Variants in SPSB1 observed in about 807,000 individuals in gnomAD.
The protein encoded by SPSB1 is SPRY domain-containing SOCS box protein 1.
SPSB1 carries 8 observed loss-of-function variants against 21.2 expected under a neutral mutation model. The observed-to-expected ratio is 0.38, with a 90% CI of 0.22 to 0.68. The LOEUF (loss-of-function observed/expected upper bound fraction) is 0.68. Ranked by LOEUF, SPSB1 falls within the 30% of genes least tolerant of loss-of-function variation. The pLI, the probability that SPSB1 is intolerant of heterozygous loss-of-function variation, is 0.53. For synonymous variants in SPSB1, 169 were observed against 161.7 expected (o/e 1.05, Z -0.34); for missense variants, 242 against 377.8 (o/e 0.64, Z 2.98).
chr1:9,314,600 T>C (rs945094446), intron 1 of SPSB1, among the ~76,000 whole-genome samples: 2 of 152,194 alleles, frequency 1.3e-5, no homozygotes, highest in Non-Finnish European at 2.9e-5. Context: ...CACAAAGAAT[T>C]GCAGAAAGTG....
intron 1 of SPSB1, among the ~76,000 whole-genome samples, chr1:9,330,709 T>A (rs1639901791): frequency 6.6e-6 from 1 of 152,080 alleles, no homozygotes. Context: ...CTGAACTTTT[T>A]TTTTTTTAAT....
intron 1 of SPSB1, among the ~76,000 whole-genome samples, chr1:9,344,034 C>A (rs1426403052): frequency 6.6e-6 from 1 of 152,060 alleles, no homozygotes; most frequent in Non-Finnish European, 1.5e-5. Context: ...GTGATCCGCC[C>A]ACCTCGGCCT....
rs548499692 is a variant in SPSB1, at chr1:9,335,121, T to C, written c.-149-20622T>C. On this transcript the variant is annotated intron_variant, in intron 1 of 2. Coordinates refer to ENST00000328089, the MANE Select transcript of SPSB1 (RefSeq NM_025106.4). ...TGAGTTTTTTGAGGAATTGCCGTAT[T>C]GTTTTCTACAGGGCCTGTAAAATGC... Among the ~76,000 whole-genome samples, 61 of 152,290 alleles carry C rather than the reference T, an allele frequency of 4.0e-4. No individual in the cohort carries two copies. The South Asian group carries it at 0.012, about 31-fold the overall frequency.
intron 2 of SPSB1, among the ~76,000 whole-genome samples, chr1:9,358,055 C>A (rs1055368292): frequency 6.6e-6 from 1 of 152,190 alleles, no homozygotes; most frequent in African/African-American, 2.4e-5. Context: ...GTCAGGAATA[C>A]AGATGCTGAC....
chr1:9,349,474 G>T (rs574381898), intron 1 of SPSB1, among the ~76,000 whole-genome samples: 1 of 152,264 alleles, frequency 6.6e-6, no homozygotes, highest in Admixed American at 6.5e-5. Flanking sequence ...GCCAAGGGAC[G>T]TGGAGCGTGA....
intron 1 of SPSB1, among the ~76,000 whole-genome samples, chr1:9,320,093 A>AG (rs1639692306): frequency 6.6e-6 from 1 of 152,192 alleles, no homozygotes; most frequent in South Asian, 2.1e-4. Context: ...GCAGGCCGCC[A>AG]GGGACCCCAG....
At chr1:9,351,023 C>A (rs928903515) in intron 1 of SPSB1, among the ~76,000 whole-genome samples, 1 of 152,216 alleles carries the variant, frequency 6.6e-6, no homozygotes, top group Non-Finnish European at 1.5e-5. Context: ...GTGGTACACA[C>A]CCCCTGTCCT....
chr1:9,361,183 T>TTTTTTTTG, intron 2 of SPSB1, among the ~76,000 whole-genome samples: 1 of 100,440 alleles, frequency 1.0e-5, no homozygotes, highest in African/African-American at 3.7e-5. Context: ...TTTTTTTTTT[T>TTTTTTTTG]AGAGATGGGG....
intron 1 of SPSB1, among the ~76,000 whole-genome samples, chr1:9,338,999 C>T (rs968482510): frequency 2.0e-5 from 3 of 152,162 alleles, no homozygotes; most frequent in East Asian, 1.9e-4. Flanking sequence ...GGCCCGGGAG[C>T]GGCCTCCAGT....
At chr1:9,318,817 G>A (rs1029713924) in intron 1 of SPSB1, among the ~76,000 whole-genome samples, 1 of 152,176 alleles carries the variant, frequency 6.6e-6, no homozygotes. Context: ...TATAGTGGGG[G>A]ACAGTCACAT....
chr1:9,347,900 G>A (rs1048740293), intron 1 of SPSB1, among the ~76,000 whole-genome samples: 3 of 150,948 alleles, frequency 2.0e-5, no homozygotes, highest in Non-Finnish European at 4.4e-5. Flanking sequence ...CCCACAGTGT[G>A]TAGGAGTGTC....
chr1:9,299,303 A>C (rs1228185478), intron 1 of SPSB1, among the ~76,000 whole-genome samples: 1 of 152,170 alleles, frequency 6.6e-6, no homozygotes, highest in Non-Finnish European at 1.5e-5. Flanking sequence ...CCTATGTCAC[A>C]GTTTAGTTCA....
In SPSB1 at chr1:9,345,406, G is replaced by A. The variant is rs910259643; in HGVS notation, c.-149-10337G>A. On this transcript the variant is annotated intron_variant, in intron 1 of 2. Coordinates refer to ENST00000328089, the MANE Select transcript of SPSB1 (RefSeq NM_025106.4). The surrounding 1 kb of genome is among the most constrained non-coding windows in gnomAD (Gnocchi z 4.8). ...ACCAGATGGGCCCAGTGTGTTACCC[G>A]CCGAGGCTAGGCAGTGTCGGTGGTC... Among the ~76,000 whole-genome samples, 5 of 151,976 alleles carry A rather than the reference G, an allele frequency of 3.3e-5. No individual in the cohort carries two copies. Among genetic ancestry groups the A allele is most frequent in the African/African-American group, 9.7e-5 (4 of 41,364 alleles).
At chr1:9,312,620 G>C (rs550464010) in intron 1 of SPSB1, among the ~76,000 whole-genome samples, 117 of 152,268 alleles carry the variant, frequency 7.7e-4, no homozygotes, top group African/African-American at 2.7e-3. Context: ...TGGTAACACA[G>C]TCAGGTGCCA....
rs1035223402 is a variant in SPSB1 at position 9,293,535 on chromosome 1, C to A, written c.-150+464C>A. On this transcript the variant is annotated intron_variant, in intron 1 of 2. Transcript: ENST00000328089. The surrounding 1 kb of genome is among the most constrained non-coding windows in gnomAD (Gnocchi z 5.1). The stretch of plus-strand genomic sequence containing the variant: ...CCGAGTCGGGATTGGCGGCGCGGCC[C>A]GGTCCCCCGTCGGGGCGCCCCCACC... 6.6e-6 allele frequency among the ~76,000 whole-genome samples: 1 copy of A among 151,926 alleles called. No homozygotes were observed. Among genetic ancestry groups the A allele is most frequent in the Non-Finnish European group, 1.5e-5 (1 of 67,920 alleles).
At chr1:9,316,466 G>A (rs573110507) in intron 1 of SPSB1, among the ~76,000 whole-genome samples, 72 of 152,338 alleles carry the variant, frequency 4.7e-4, no homozygotes, top group Admixed American at 4.1e-3. Flanking sequence ...TACTCAGCAA[G>A]CAGAGCAGAC....
At chr1:9,365,886 G>A (rs1027500770) in intron 2 of SPSB1, among the ~76,000 whole-genome samples, 23 of 152,152 alleles carry the variant, frequency 1.5e-4, no homozygotes, top group African/African-American at 3.4e-4. Context: ...CAGCGTGGGC[G>A]GCCCCACGAA....
At chr1:9,309,149 G>T (rs1027205600) in intron 1 of SPSB1, among the ~76,000 whole-genome samples, 3 of 152,100 alleles carry the variant, frequency 2.0e-5, no homozygotes, top group East Asian at 1.9e-4. Context: ...AGGCCCAGGG[G>T]TCGTCGGTGG....
At chr1:9,313,921 A>T (rs998461592) in intron 1 of SPSB1, among the ~76,000 whole-genome samples, 13 of 152,200 alleles carry the variant, frequency 8.5e-5, no homozygotes, top group South Asian at 4.1e-4. Context: ...CACGCCTGTA[A>T]TCCCAACATT....
Sources: allele counts gnomAD v4.1 joint callset (sites outside exome capture counted in the v4.1 genomes callset), GRCh38; gene constraint gnomAD v4.1.1; non-coding constraint Gnocchi (gnomAD v3.1); transcripts MANE v1.5; gene names NCBI Gene and HGNC (gene_info 2026-07-23, HGNC 2026-07-21).